Variants in CCDC74B observed in about 807,000 individuals in gnomAD.
CCDC74B encodes the protein coiled-coil domain-containing protein 74B.
A neutral mutation model predicts 38.0 loss-of-function variants in CCDC74B; 34 were observed. The observed-to-expected ratio is 0.89, with a 90% CI of 0.68 to 1.19. The LOEUF (loss-of-function observed/expected upper bound fraction) is 1.19. CCDC74B is among the 50% of genes most tolerant of loss of function. The pLI is 0.00. For synonymous variants in CCDC74B, 132 were observed against 170.4 expected, an observed-to-expected ratio of 0.77 and a Z score of 1.76; for missense variants, 358 against 406.0, an observed-to-expected ratio of 0.88 and a Z score of 1.02.
chr2:130,145,027 A>T lies in CCDC74B; in HGVS notation c.-31T>A, dbSNP rs1466036761. On this transcript the variant is annotated 5_prime_UTR_variant, in exon 1 of 8. Coordinates refer to ENST00000409943, the MANE Select transcript of CCDC74B (RefSeq NM_001258307.2). ...CATCGCCAGGTACTCTCCCGCTGCC[A>T]CTGCACCCCGGCTCAGTGGCCAGGC... is the stretch of plus-strand genomic sequence containing the variant. 2 of 1,405,964 alleles carry T rather than the reference A, an allele frequency of 1.4e-6. No individual in the cohort carries two copies. The highest frequency in any genetic ancestry group is 1.9e-6 in the Non-Finnish European group (2 of 1,072,476). The allele number at this position is 1,405,964 out of a possible 1,614,324, so 87.1% of individuals were successfully genotyped here.
Position 130,139,502 on chromosome 2 carries a change from G to A in CCDC74B, c.*53C>T, listed in dbSNP as rs1044898750. The A allele has an allele frequency of 1.4e-5, 23 of 1,601,938 alleles. No homozygotes were observed. In the African/African-American group the frequency reaches 2.9e-4, roughly 21 times the overall value. ...GAAGTGTCAGGAAATGCTATAGAGA[G>A]CCAATCTCCAGCTGCAGGTTGGTGG... is the stretch of plus-strand genomic sequence containing the variant. On this transcript the variant is annotated 3_prime_UTR_variant, in exon 8 of 8. Coordinates refer to ENST00000409943, the MANE Select transcript of CCDC74B (RefSeq NM_001258307.2).
At position 130,140,092 on chromosome 2, in the gene CCDC74B, T is replaced by C. The variant is rs2599954; in HGVS notation, c.683A>G (p.Gln228Arg). Residue 228 changes from glutamine (Q) to arginine (R), a missense_variant, in exon 6 of 8, where the codon CAG becomes CGG. By Grantham distance (43) the Gln-to-Arg change is conservative (BLOSUM62 1). Around this residue, in one of 3 missense-constraint regions of CCDC74B, gnomAD observed 213 missense variants for 212.3 expected, o/e 1.00. Coordinates refer to ENST00000409943, the MANE Select transcript of CCDC74B (RefSeq NM_001258307.2). The part of the protein sequence containing the change: ...NTNLLQTQEL[Q>R]HLKSLLEGSQ... ...CCCTTCCAGGAGGGACTTGAGGTGC[T>C]GCAGCTGAAAGGCAGGGGCAGGGGC... The C allele has an allele frequency of 1.6e-3, 2,582 of 1,611,940 alleles. 13 individuals carry two copies. Among genetic ancestry groups the C allele is most frequent in the South Asian group, 8.6e-3 (778 of 90,896 alleles).
At position 130,139,553 on chromosome 2, in the gene CCDC74B, G is replaced by C. The variant is rs1435899282; in HGVS notation, c.*2C>G. ...GCCTGGCACTGACCAGATGCGGGTA[G>C]CTCAAAGCACCGAGCGATGCAGGCG... On this transcript the variant is annotated 3_prime_UTR_variant, in exon 8 of 8. Coordinates refer to ENST00000409943, the MANE Select transcript of CCDC74B (RefSeq NM_001258307.2). The C allele has an allele frequency of 6.2e-7, 1 of 1,613,394 alleles. No individual in the cohort carries two copies. Among genetic ancestry groups the C allele is most frequent in the Admixed American group, 1.7e-5 (1 of 60,024 alleles).
At chr2:130,144,349 C>G in intron 1 of CCDC74B, 1 of 775,836 alleles carries the variant, frequency 1.3e-6, no homozygotes, top group Non-Finnish European at 2.2e-6. Context: ...CCGTGTTAGC[C>G]AGGATGGTCT....
In CCDC74B at chr2:130,143,304, T is replaced by A; in HGVS notation, c.260A>T (p.Tyr87Phe). ...HLKRENKDLR[Y>F]KLIMNQTSQK... ...TGATGTCTGATTCATTATGAGCTTG[T>A]AACGGAGATCTGAAAGCAAGCACAC... Residue 87 changes from tyrosine to phenylalanine, a missense_variant, in exon 2 of 8, where the codon TAC becomes TTC. This residue lies in a region of CCDC74B where 128 missense variants were observed against 146.7 expected (regional missense o/e 0.87). Coordinates refer to ENST00000409943, the MANE Select transcript of CCDC74B (RefSeq NM_001258307.2). The A allele has an allele frequency of 6.2e-7, 1 of 1,613,958 alleles. No homozygotes were observed. Among genetic ancestry groups the A allele is most frequent in the South Asian group, 1.1e-5 (1 of 91,076 alleles).
rs765929502 is a variant in CCDC74B, at chr2:130,144,740, G to T, written c.250+7C>A. ...CAGGGCCGGCCTAGGGCCCCGCGCC[G>T]GCTCACCCTTGTTTTCCCGCTTCAG... On this transcript the variant is annotated splice_region_variant and intron_variant, in intron 1 of 7. Coordinates refer to ENST00000409943, the MANE Select transcript of CCDC74B (RefSeq NM_001258307.2). 1.6e-5 allele frequency: 25 copies of T among 1,611,270 alleles called. No homozygotes were observed. The East Asian group carries it at 4.9e-4, about 32-fold the overall frequency.
chr2:130,140,268 G>C lies in CCDC74B; in HGVS notation c.589C>G (p.Pro197Ala), dbSNP rs1448790531. 3.1e-6 allele frequency: 5 copies of C among 1,613,260 alleles called. No homozygotes were observed. In the South Asian group the frequency reaches 4.4e-5, roughly 14 times the overall value. ...GAAAHPPMILPLPLRKPTTLR... is the reference protein window; with the variant it reads ...GAAAHPPMILALPLRKPTTLR... ...GTGGTGGGCTTTCGCAGGGGAAGGG[G>C]CAGGATCATTGGGGGGTGTGCCGCC... Residue 197 changes from proline to alanine, a missense_variant, in exon 5 of 8, where the codon CCC (proline) becomes GCC (alanine). Physicochemically the swap from Pro to Ala is conservative, Grantham distance 27. Transcript: ENST00000409943.
chr2:130,142,410 G>A (rs1390359405), intron 2 of CCDC74B: 27 of 1,613,404 alleles, frequency 1.7e-5, no homozygotes, highest in Non-Finnish European at 2.1e-5. Context: ...TGGGACACAT[G>A]GAACAGCAGG....
rs559818240 is a variant in CCDC74B at position 130,141,677 on chromosome 2, G to A, written c.347-381C>T. On this transcript the variant is annotated intron_variant, in intron 3 of 7. Coordinates refer to ENST00000409943, the MANE Select transcript of CCDC74B (RefSeq NM_001258307.2). ...GGGTTAGGGCTGGGCTGAGGAAAATGCCCGGCCTCACAGAGTGGGGAAAAG... is the reference window on the plus strand; with the variant it reads ...GGGTTAGGGCTGGGCTGAGGAAAATACCCGGCCTCACAGAGTGGGGAAAAG... 182 of 362,896 alleles carry A rather than the reference G, an allele frequency of 5.0e-4. 2 individuals carry two copies. The highest frequency in any genetic ancestry group is 3.7e-3 in the African/African-American group (172 of 47,050). 22.5% of individuals were successfully genotyped at this position (362,896 alleles called of 1,614,324 possible). A position where few individuals can be genotyped will look rare whatever the true frequency, so the allele number is the denominator to read the frequency against.
rs1685470030 is a variant in CCDC74B, at chr2:130,139,747, G to A, written c.810-57C>T. On this transcript the variant is annotated intron_variant, in intron 7 of 7. Transcript: ENST00000409943. ...GCATCCTCGCGAGTGGAGTGTGTGG[G>A]GAGTGCGGCCTGCATGGCCCTCACG... 2.5e-6 allele frequency: 4 copies of A among 1,609,316 alleles called. No homozygotes were observed. The South Asian group carries it at 4.4e-5, about 18-fold the overall frequency.
intron 5 of CCDC74B, 39 bp downstream of exon 5, chr2:130,140,140 C>G (rs936906562): frequency 6.2e-7 from 1 of 1,611,904 alleles, no homozygotes; most frequent in African/African-American, 1.3e-5. Context: ...GTGGCGGTGC[C>G]AGACTGCCCA....
rs1573641994 is a variant in CCDC74B, at chr2:130,144,198, G to GGT, written c.250+548_250+549insAC. Among the ~76,000 whole-genome samples, 12 of 152,284 alleles carry GGT rather than the reference G, an allele frequency of 7.9e-5. No homozygotes were observed. The East Asian group carries it at 2.3e-3, about 29-fold the overall frequency. ...TCTGTCACCGAGGCTGGAGTGCAGTGGCAAGATCTCGGCTCACTGCAAGCT... is the reference window on the plus strand; with the variant it reads ...TCTGTCACCGAGGCTGGAGTGCAGTGGTGCAAGATCTCGGCTCACTGCAAGCT... On this transcript the variant is annotated intron_variant, in intron 1 of 7. Coordinates refer to ENST00000409943, the MANE Select transcript of CCDC74B (RefSeq NM_001258307.2).
chr2:130,144,847 G>A lies in CCDC74B; in HGVS notation c.150C>T (p.Asn50=), dbSNP rs1286104061. The change falls in exon 1 of 8, where the codon AAC becomes AAT. Residue 50 remains asparagine (N), a synonymous_variant. Transcript: ENST00000409943. ...ACTGTAGGCTCTTCTCCAGGTCCAG[G>A]TTCCGTTTCTGCGGGTCGCTCTGCC... ...QLRQSDPQKR[N]LDLEKSLQFL... 1.9e-6 allele frequency: 3 copies of A among 1,613,582 alleles called. No homozygotes were observed. Among genetic ancestry groups the A allele is most frequent in the Non-Finnish European group, 2.5e-6 (3 of 1,179,814 alleles).
intron 3 of CCDC74B, 159 bp from the exon 4 acceptor site, chr2:130,141,455 TG>T: frequency 1.7e-6 from 2 of 1,197,380 alleles, no homozygotes; most frequent in Non-Finnish European, 2.3e-6. Context: ...TGGAGGGTTC[TG>T]GGGGGAATCA....
At chr2:130,142,825 G>A (rs1305881119) in intron 2 of CCDC74B, 1 of 1,550,014 alleles carries the variant, frequency 6.5e-7, no homozygotes, top group African/African-American at 1.4e-5. Context: ...TGCCCAGATG[G>A]CAGGAAGGGA....
intron 2 of CCDC74B, 127 bp downstream of exon 2, chr2:130,143,142 C>A: frequency 6.5e-7 from 1 of 1,535,454 alleles, no homozygotes; most frequent in South Asian, 1.3e-5. Context: ...TGTCCAGGTC[C>A]CCCAGAACCT....
At position 130,139,698 on chromosome 2, in the gene CCDC74B, C is replaced by A. The variant is rs769205055; in HGVS notation, c.810-8G>T. 1 of 1,612,434 alleles carries A rather than the reference C, an allele frequency of 6.2e-7. No homozygotes were observed. Among genetic ancestry groups the A allele is most frequent in the East Asian group, 2.2e-5 (1 of 44,888 alleles). ...GGTGGGCTCAGAAGCAGGCTGGGGG[C>A]GGGTAGAGGGACTGTCACCGTGAGC... On this transcript the variant is annotated splice_polypyrimidine_tract_variant and splice_region_variant and intron_variant, in intron 7 of 7. Transcript: ENST00000409943.
rs1365987764 is a variant in CCDC74B, at chr2:130,140,333, C to A, written c.524G>T (p.Cys175Phe). ...GCCCTGGTGCTGGCTGTTCCCCATA[C>A]AGGCAGCTCCTGCGTTAGAGGCCTC... ...KAEASNAGAA[C>F]MGNSQHQGRQ... is the part of the protein sequence containing the mutation. Residue 175 changes from cysteine to phenylalanine, a missense_variant, in exon 5 of 8, where the codon TGT (cysteine) becomes TTT (phenylalanine). Cys to Phe is a radical substitution (Grantham distance 205). This residue lies in a region of CCDC74B where 213 missense variants were observed against 212.3 expected (regional missense o/e 1.00). Transcript: ENST00000409943. 6 of 1,607,678 alleles carry A rather than the reference C, an allele frequency of 3.7e-6. No homozygotes were observed. Among genetic ancestry groups the A allele is most frequent in the South Asian group, 2.2e-5 (2 of 89,852 alleles).
chr2:130,139,863 C>T lies in CCDC74B; in HGVS notation c.809+28G>A, dbSNP rs1430928007. 7 of 1,609,448 alleles carry T rather than the reference C, an allele frequency of 4.3e-6. No individual in the cohort carries two copies. In the East Asian group the frequency reaches 1.3e-4, roughly 31 times the overall value. On this transcript the variant is annotated intron_variant, in intron 7 of 7. Transcript: ENST00000409943. ...CTGGGGCCCAGGCTGCAGGGCTGCC[C>T]CACTGTCCCCATGCCTGTGGGACTT...
Sources: gnomAD v4.1 joint callset for allele counts (sites outside exome capture counted in the v4.1 genomes callset) on GRCh38, gnomAD v4.1.1 for gene constraint, gnomAD v4.1.1 regional missense constraint, MANE v1.5 for transcripts, NCBI Gene and HGNC (gene_info 2026-07-23, HGNC 2026-07-21) for gene names.